The following FOXN4 variants were observed in gnomAD, a reference collection of about 807,000 sequenced individuals.
FOXN4 encodes the protein forkhead box N4.
In FOXN4, 12 loss-of-function variants were observed where a neutral mutation model predicts 45.0. The ratio of observed to expected loss-of-function variants is 0.27; its 90% CI spans 0.17 to 0.43. FOXN4 has a LOEUF of 0.43. FOXN4 is among the 20% of genes least tolerant of loss of function. The probability of loss-of-function intolerance (pLI) is 1.00; values close to 1 mark genes in which losing one functional copy is unlikely to be tolerated. For missense variants in FOXN4, 560 were observed against 694.9 expected, an observed-to-expected ratio of 0.81 and a Z score of 2.18; for synonymous variants, 297 against 295.0, an observed-to-expected ratio of 1.01 and a Z score of -0.07.
chr12:109,300,113 A>C (rs890056537), intron 2 of FOXN4, among the ~76,000 whole-genome samples: 2 of 152,224 alleles, frequency 1.3e-5, no homozygotes, highest in Non-Finnish European at 2.9e-5. Flanking sequence ...CGCTCACCCC[A>C]GTGGTGGTGG....
Position 109,308,287 on chromosome 12 carries a change from C to G in FOXN4, c.35G>C (p.Gly12Ala). 3 of 1,551,918 alleles carry G rather than the reference C, an allele frequency of 1.9e-6. No individual in the cohort carries two copies. Among genetic ancestry groups the G allele is most frequent in the Non-Finnish European group, 2.6e-6 (3 of 1,147,004 alleles). ...IESDTSSIMS[G>A]IIRNSGQNHH... ...ATTTTGCCCTGAGTTTCGAATAATT[C>G]CTGACATTATGGATGAGGTGTCACT... The change falls in exon 2 of 10, where the codon GGA (glycine) becomes GCA (alanine). Residue 12 changes from glycine (G) to alanine (A), a missense_variant. Around this residue, in one of 5 missense-constraint regions of FOXN4, gnomAD observed 142 missense variants for 185.7 expected, o/e 0.76. Coordinates refer to ENST00000299162, the MANE Select transcript of FOXN4 (RefSeq NM_213596.3).
intron 9 of FOXN4, among the ~76,000 whole-genome samples, chr12:109,280,952 C>T (rs2047646769): frequency 6.6e-6 from 1 of 152,192 alleles, no homozygotes; most frequent in Admixed American, 6.5e-5. Context: ...CGAGGTTTAA[C>T]TCCGGACTCT....
chr12:109,293,655 G>T (rs1043137605), intron 2 of FOXN4, among the ~76,000 whole-genome samples: 1 of 152,154 alleles, frequency 6.6e-6, no homozygotes, highest in Non-Finnish European at 1.5e-5. Flanking sequence ...GCGCCACCAC[G>T]CTGGGCTAAT....
rs77480737 is a variant in FOXN4 at position 109,287,234 on chromosome 12, G to A, written c.596+163C>T. Among the ~76,000 whole-genome samples, 962 of 152,232 alleles carry A rather than the reference G, an allele frequency of 6.3e-3. 3 individuals carry two copies. The highest frequency in any genetic ancestry group is 0.017 in the Middle Eastern group (5 of 294). ...CTTGACCTGGGGGACCCTATGATGC[G>A]CCTTCCTGAGAACAAGTCCCACCTG... On this transcript the variant is annotated intron_variant, in intron 6 of 9. Transcript: ENST00000299162. The surrounding 1 kb of genome is among the most constrained non-coding windows in gnomAD (Gnocchi z 4.1).
chr12:109,308,922 C>T, intron 1 of FOXN4, among the ~76,000 whole-genome samples, 197 bp downstream of exon 1: 1 of 152,236 alleles, frequency 6.6e-6, no homozygotes, highest in East Asian at 1.9e-4. Flanking sequence ...GTTTCTCAAA[C>T]TCCAAGCCTG....
chr12:109,303,671 T>C (rs964399117), intron 2 of FOXN4, among the ~76,000 whole-genome samples: 1 of 152,080 alleles, frequency 6.6e-6, no homozygotes, highest in Non-Finnish European at 1.5e-5. Context: ...TGGGAGAAGG[T>C]GAGGGTCCAA....
At chr12:109,306,100 G>A (rs1447843420) in intron 2 of FOXN4, among the ~76,000 whole-genome samples, 4 of 152,018 alleles carry the variant, frequency 2.6e-5, no homozygotes, top group Non-Finnish European at 5.9e-5. Flanking sequence ...CTGGATTCAG[G>A]GTTTCTCCCA....
At position 109,304,288 on chromosome 12, in the gene FOXN4, A is replaced by G. The variant is rs553512397; in HGVS notation, c.86+3948T>C. ...GAAAGAAAGAAAGAAAGAAAGAAAG[A>G]AAGAAAGGAGAAAGAAAGAAGGAAA... On this transcript the variant is annotated intron_variant, in intron 2 of 9. Coordinates refer to ENST00000299162, the MANE Select transcript of FOXN4 (RefSeq NM_213596.3). Among the ~76,000 whole-genome samples, 47 of 50,714 alleles carry G rather than the reference A, an allele frequency of 9.3e-4. 1 individual carries two copies. Among genetic ancestry groups the G allele is most frequent in the African/African-American group, 3.7e-3 (41 of 11,208 alleles). The allele number at this position is 50,714 out of a possible 152,430, so 33.3% of individuals were successfully genotyped here. A position where few individuals can be genotyped will look rare whatever the true frequency, so the allele number is the denominator to read the frequency against.
rs56261774 is a variant in FOXN4 at position 109,285,244 on chromosome 12, CGTGTGT to C, written c.901+54_901+59del. The C allele has an allele frequency of 6.7e-4, 900 of 1,350,092 alleles. 2 individuals carry two copies. In the African/African-American group the frequency reaches 7.6e-3, roughly 11 times the overall value. The allele number at this position is 1,350,092 out of a possible 1,614,324, so 83.6% of individuals were successfully genotyped here. ...GATGTCGGCCAGGTCCTTCCTCTTC[CGTGTGT>C]GTGTGTGTGTGTGTGTGTGTGTGTG... On this transcript the variant is annotated intron_variant, in intron 8 of 9. Transcript: ENST00000299162.
intron 2 of FOXN4, among the ~76,000 whole-genome samples, chr12:109,296,541 G>A (rs2047818750): frequency 6.6e-6 from 1 of 152,192 alleles, no homozygotes; most frequent in South Asian, 2.1e-4. Flanking sequence ...GAGCCCAACT[G>A]GTGGCCCCAG....
At chr12:109,299,422 G>A (rs971360185) in intron 2 of FOXN4, among the ~76,000 whole-genome samples, 3 of 151,956 alleles carry the variant, frequency 2.0e-5, no homozygotes, top group African/African-American at 4.8e-5. Context: ...GCATGTAAAC[G>A]CACACATGCA....
intron 9 of FOXN4, 90 bp from the exon 10 acceptor site, chr12:109,280,020 T>C (rs536853014): frequency 3.9e-6 from 6 of 1,537,800 alleles, no homozygotes; most frequent in Admixed American, 3.4e-5. Context: ...GCAGAGACCA[T>C]GTGTGGTGTC....
chr12:109,279,448 C>G lies in FOXN4; in HGVS notation c.*223G>C. 1.6e-6 allele frequency: 1 copy of G among 641,120 alleles called. No homozygotes were observed. Among genetic ancestry groups the G allele is most frequent in the Non-Finnish European group, 2.6e-6 (1 of 379,406 alleles). The allele number at this position is 641,120 out of a possible 1,614,324, so 39.7% of individuals were successfully genotyped here. On this transcript the variant is annotated 3_prime_UTR_variant, in exon 10 of 10. Coordinates refer to ENST00000299162, the MANE Select transcript of FOXN4 (RefSeq NM_213596.3). ...TGTCCACCTTCCTCCATTCTTCTGA[C>G]TTGGAAGAGCCCCCAGAAACTGCTC...
In FOXN4 at chr12:109,287,998, T is replaced by C. The variant is rs562981229; in HGVS notation, c.358-44A>G. 15 of 1,548,170 alleles carry C rather than the reference T, an allele frequency of 9.7e-6. No individual in the cohort carries two copies. In the African/African-American group the frequency reaches 1.8e-4, roughly 18 times the overall value. ...AGGAGACAGAGGGTCACGGTGGGGG[T>C]AGACACCCAGTCTGGAGGGCACTAC... On this transcript the variant is annotated intron_variant, in intron 4 of 9. Coordinates refer to ENST00000299162, the MANE Select transcript of FOXN4 (RefSeq NM_213596.3). The surrounding 1 kb of genome is among the most constrained non-coding windows in gnomAD (Gnocchi z 4.1).
At chr12:109,303,860 G>A (rs918607570) in intron 2 of FOXN4, among the ~76,000 whole-genome samples, 1 of 152,130 alleles carries the variant, frequency 6.6e-6, no homozygotes, top group African/African-American at 2.4e-5. Context: ...CTTGGCCTCA[G>A]TATCCTTACC....
chr12:109,280,759 T>C (rs978350779), intron 9 of FOXN4, among the ~76,000 whole-genome samples: 1 of 152,226 alleles, frequency 6.6e-6, no homozygotes, highest in African/African-American at 2.4e-5. Flanking sequence ...GAGCTGCACC[T>C]GTGCTAGTGA....
chr12:109,293,312 G>C (rs1222794367), intron 2 of FOXN4, among the ~76,000 whole-genome samples: 2 of 152,056 alleles, frequency 1.3e-5, no homozygotes, highest in Non-Finnish European at 2.9e-5. Flanking sequence ...CAGCACCTCC[G>C]CTGGGAAGCC....
At chr12:109,298,340 T>G (rs868139464) in intron 2 of FOXN4, among the ~76,000 whole-genome samples, 7 of 134,106 alleles carry the variant, frequency 5.2e-5, no homozygotes, top group African/African-American at 1.1e-4. Flanking sequence ...GGTTTTTTTT[T>G]TTTGTTTTTT....
At chr12:109,301,484 C>T (rs568919622) in intron 2 of FOXN4, among the ~76,000 whole-genome samples, 108 of 152,210 alleles carry the variant, frequency 7.1e-4, no homozygotes, top group Non-Finnish European at 1.1e-3. Flanking sequence ...TTCCCCACCT[C>T]TCTCCTTCCA....
Sources: gnomAD v4.1 joint callset for allele counts (sites outside exome capture counted in the v4.1 genomes callset) on GRCh38, gnomAD v4.1.1 for gene constraint, gnomAD v4.1.1 regional missense constraint, Gnocchi (gnomAD v3.1) non-coding constraint, MANE v1.5 for transcripts, NCBI Gene and HGNC (gene_info 2026-07-23, HGNC 2026-07-21) for gene names.